Variants in TMEM178B observed in about 807,000 individuals in gnomAD.
TMEM178B encodes the protein transmembrane protein 178B.
A neutral mutation model predicts 31.0 loss-of-function variants in TMEM178B; 5 were observed. The ratio of observed to expected loss-of-function variants is 0.16; its 90% CI spans 0.08 to 0.34. The LOEUF is 0.34. Among genes scored for constraint, TMEM178B ranks in the 10% least tolerant of loss-of-function variants. TMEM178B has a pLI of 1.00. For synonymous variants in TMEM178B, 164 were observed against 164.0 expected (o/e 1.00, Z 0.00); for missense variants, 275 against 400.3 (o/e 0.69, Z 2.67).
chr7:141,298,853 A>G (rs1196555629), intron 2 of TMEM178B, among the ~76,000 whole-genome samples: 1 of 152,240 alleles, frequency 6.6e-6, no homozygotes, highest in African/African-American at 2.4e-5. Context: ...AAAGAAGGTC[A>G]GTTAGAGATT....
intron 1 of TMEM178B, among the ~76,000 whole-genome samples, chr7:141,168,302 A>G (rs929974783): frequency 1.3e-5 from 2 of 152,136 alleles, no homozygotes; most frequent in Admixed American, 1.3e-4. Context: ...TGCAAACTTC[A>G]TGGCATCTCC....
chr7:141,230,453 G>A (rs1260708175), intron 2 of TMEM178B, among the ~76,000 whole-genome samples: 1 of 152,106 alleles, frequency 6.6e-6, no homozygotes, highest in Non-Finnish European at 1.5e-5. Flanking sequence ...TCAGCCACTT[G>A]TACTTCTCCT....
intron 2 of TMEM178B, among the ~76,000 whole-genome samples, chr7:141,377,772 T>G (rs776336585): frequency 2.2e-4 from 34 of 152,230 alleles, no homozygotes; most frequent in Admixed American, 8.5e-4. Context: ...ACTGGTTCTT[T>G]TGGAAGTTGA....
Position 141,080,175 on chromosome 7 carries a change from C to T in TMEM178B, c.382+5483C>T, listed in dbSNP as rs184919211. Among the ~76,000 whole-genome samples, 280 of 152,308 alleles carry T rather than the reference C, an allele frequency of 1.8e-3. 1 individual carries two copies. Among genetic ancestry groups the T allele is most frequent in the African/African-American group, 6.3e-3 (263 of 41,562 alleles). ...TCATATAACTTTTGCTTATTTACTTCGCTTGCTGTGGTAGATGCTGAAATT... is the reference window on the plus strand; with the variant it reads ...TCATATAACTTTTGCTTATTTACTTTGCTTGCTGTGGTAGATGCTGAAATT... On this transcript the variant is annotated intron_variant, in intron 1 of 3. Coordinates refer to ENST00000565468, the MANE Select transcript of TMEM178B (RefSeq NM_001195278.2).
intron 1 of TMEM178B, among the ~76,000 whole-genome samples, chr7:141,081,946 C>T (rs939728721): frequency 6.6e-6 from 1 of 152,178 alleles, no homozygotes; most frequent in Non-Finnish European, 1.5e-5. Context: ...TTTTTGTCTT[C>T]TCTACTGCAT....
chr7:141,242,358 C>T (rs1035978013), intron 2 of TMEM178B, among the ~76,000 whole-genome samples: 6 of 151,088 alleles, frequency 4.0e-5, no homozygotes, highest in African/African-American at 1.5e-4. Flanking sequence ...GCCACATGCC[C>T]GGCTATTTTA....
chr7:141,319,472 T>C lies in TMEM178B; in HGVS notation c.496+106768T>C, dbSNP rs545586997. Among the ~76,000 whole-genome samples the C allele has an allele frequency of 1.2e-4, 19 of 152,350 alleles. No homozygotes were observed. The South Asian group carries it at 3.9e-3, about 32-fold the overall frequency. ...GGCATTTTTTCATGGTGGAAAGATG[T>C]AATATAGAGGCTAACTTCTGAAGCA... On this transcript the variant is annotated intron_variant, in intron 2 of 3. Transcript: ENST00000565468.
intron 2 of TMEM178B, among the ~76,000 whole-genome samples, chr7:141,310,750 C>G (rs1201750351): frequency 6.6e-6 from 1 of 152,140 alleles, no homozygotes; most frequent in Non-Finnish European, 1.5e-5. Context: ...AGCAATTACT[C>G]AAAGACCTAG....
intron 1 of TMEM178B, among the ~76,000 whole-genome samples, chr7:141,082,488 G>C (rs1360902395): frequency 2.6e-5 from 4 of 152,250 alleles, no homozygotes; most frequent in Non-Finnish European, 5.9e-5. Flanking sequence ...TTGTATACAT[G>C]ATGTGCACCT....
At chr7:141,351,386 T>C (rs1799719264) in intron 2 of TMEM178B, among the ~76,000 whole-genome samples, 1 of 152,282 alleles carries the variant, frequency 6.6e-6, no homozygotes, top group Non-Finnish European at 1.5e-5. Flanking sequence ...CCGGAACGGC[T>C]GGTCACTGCC....
intron 2 of TMEM178B, among the ~76,000 whole-genome samples, chr7:141,232,615 C>T (rs965242077): frequency 6.6e-6 from 1 of 152,198 alleles, no homozygotes; most frequent in African/African-American, 2.4e-5. Flanking sequence ...TTTTTCTATA[C>T]ATTTTAATTC....
At chr7:141,387,147 T>G (rs1800446152) in intron 2 of TMEM178B, among the ~76,000 whole-genome samples, 1 of 152,142 alleles carries the variant, frequency 6.6e-6, no homozygotes, top group Non-Finnish European at 1.5e-5. Context: ...ATTCACAGTC[T>G]TCCTGCTTTG....
intron 2 of TMEM178B, among the ~76,000 whole-genome samples, chr7:141,349,201 A>G (rs1216342808): frequency 6.6e-6 from 1 of 152,156 alleles, no homozygotes; most frequent in East Asian, 1.9e-4. Flanking sequence ...TGATTTATAT[A>G]TTGAGTATAT....
intron 3 of TMEM178B, among the ~76,000 whole-genome samples, chr7:141,452,187 G>A (rs1250824348): frequency 1.3e-5 from 2 of 152,138 alleles, no homozygotes; most frequent in Admixed American, 6.5e-5. Flanking sequence ...AACATGTTAT[G>A]AAACAGTCTT....
intron 3 of TMEM178B, among the ~76,000 whole-genome samples, chr7:141,455,823 G>GC (rs2116711003): frequency 6.6e-6 from 1 of 152,338 alleles, no homozygotes; most frequent in East Asian, 1.9e-4. Context: ...AAAGGCTAGG[G>GC]CCAAGCTGAC....
intron 2 of TMEM178B, among the ~76,000 whole-genome samples, chr7:141,252,534 C>T (rs1027659178): frequency 6.6e-6 from 1 of 152,212 alleles, no homozygotes; most frequent in African/African-American, 2.4e-5. Flanking sequence ...TTCCTTGGGC[C>T]AGTTTCTGTG....
At chr7:141,086,895 C>A (rs1485434529) in intron 1 of TMEM178B, among the ~76,000 whole-genome samples, 1 of 152,082 alleles carries the variant, frequency 6.6e-6, no homozygotes, top group Non-Finnish European at 1.5e-5. Flanking sequence ...ACCATGTTGG[C>A]CGGGCTCTTA....
chr7:141,493,225 G>T, the TMEM178B span, among the ~76,000 whole-genome samples: 3 of 152,176 alleles, frequency 2.0e-5, no homozygotes, highest in Admixed American at 2.0e-4. Context: ...CCCTCAGGAA[G>T]AAGCAGACTC....
intron 2 of TMEM178B, among the ~76,000 whole-genome samples, chr7:141,350,526 A>G (rs916627304): frequency 5.3e-5 from 8 of 152,208 alleles, no homozygotes; most frequent in Non-Finnish European, 1.0e-4. Flanking sequence ...TAAAAGAGGG[A>G]TATATTAAAT....
Sources: gnomAD v4.1 joint callset for allele counts (sites outside exome capture counted in the v4.1 genomes callset) on GRCh38, gnomAD v4.1.1 for gene constraint, MANE v1.5 for transcripts, NCBI Gene and HGNC (gene_info 2026-07-23, HGNC 2026-07-21) for gene names.